Variants in PIEZO2 observed in about 807,000 individuals in gnomAD.
The protein encoded by PIEZO2 is piezo type mechanosensitive ion channel component 2.
PIEZO2 carries 172 observed loss-of-function variants against 337.3 expected under a neutral mutation model. The ratio of observed to expected loss-of-function variants is 0.51; its 90% CI spans 0.45 to 0.58. The LOEUF (loss-of-function observed/expected upper bound fraction) is 0.58, where lower values mean the gene tolerates loss of function less well. Ranked by LOEUF, PIEZO2 falls within the 20% of genes least tolerant of loss-of-function variation. The pLI is 0.00. For synonymous variants in PIEZO2, 1,251 were observed against 1,228.5 expected (o/e 1.02, Z -0.38); for missense variants, 3,028 against 3,391.3 (o/e 0.89, Z 2.66).
chr18:10,923,644 A>G (rs546290835), intron 3 of PIEZO2, among the ~76,000 whole-genome samples: 6 of 152,332 alleles, frequency 3.9e-5, no homozygotes, highest in Admixed American at 2.6e-4. Flanking sequence ...AGTAGCTTCA[A>G]TGACACTCAG....
chr18:10,764,272 C>A (rs996018911), intron 21 of PIEZO2, among the ~76,000 whole-genome samples: 1 of 152,124 alleles, frequency 6.6e-6, no homozygotes, highest in South Asian at 2.1e-4. Context: ...TTTGATACAA[C>A]TAAACATGTA....
chr18:10,798,680 G>T (rs6505598), intron 11 of PIEZO2, among the ~76,000 whole-genome samples: 42,548 of 152,078 alleles, frequency 0.28, 6,974 homozygotes, highest in Middle Eastern at 0.41. Context: ...GTGTCAGCAC[G>T]CAAAATTCAA....
At chr18:10,991,451 A>C (rs1157570791) in intron 2 of PIEZO2, among the ~76,000 whole-genome samples, 1 of 141,574 alleles carries the variant, frequency 7.1e-6, no homozygotes, top group Non-Finnish European at 1.5e-5. Flanking sequence ...TCATTGTTCA[A>C]CTCCTACTTA....
rs264219 is a variant in PIEZO2 at position 10,888,994 on chromosome 18, T to C, written c.330-17579A>G. On this transcript the variant is annotated intron_variant, in intron 4 of 55. Transcript: ENST00000674853. This position sits in a 1 kb window ranked among gnomAD's most constrained non-coding sequence, Gnocchi z 4.1. ...GATCCTAATGTGCACACTTTGTGGA[T>C]ACCAAAATCTCAATTCTTGATGGGA... Among the ~76,000 whole-genome samples, 100,649 of 152,020 alleles carry C rather than the reference T, an allele frequency of 0.66. 33,995 individuals carry two copies. The highest frequency in any genetic ancestry group is 0.8 in the African/African-American group (33,077 of 41,474).
chr18:11,084,289 T>G (rs1023021865), intron 1 of PIEZO2, among the ~76,000 whole-genome samples: 1 of 152,124 alleles, frequency 6.6e-6, no homozygotes, highest in Non-Finnish European at 1.5e-5. Flanking sequence ...CATCCTTTGT[T>G]GAATCAATCA....
At chr18:10,719,671 G>T (rs944653130) in intron 36 of PIEZO2, among the ~76,000 whole-genome samples, 2 of 152,108 alleles carry the variant, frequency 1.3e-5, no homozygotes, top group Admixed American at 1.3e-4. Flanking sequence ...GTGAGTGCAG[G>T]TACCTTTTTA....
chr18:10,943,844 A>G lies in PIEZO2; in HGVS notation c.287-32616T>C, dbSNP rs2032854919. 6.6e-6 allele frequency among the ~76,000 whole-genome samples: 1 copy of G among 152,096 alleles called. No homozygotes were observed. The highest frequency in any genetic ancestry group is 1.5e-5 in the Non-Finnish European group (1 of 68,026). On this transcript the variant is annotated intron_variant, in intron 3 of 55. Coordinates refer to ENST00000674853, the MANE Select transcript of PIEZO2 (RefSeq NM_001378183.1). This position sits in a 1 kb window ranked among gnomAD's most constrained non-coding sequence, Gnocchi z 4.5. ...CGGTGGGAGATGACTGAATCATGGGAGCAAGTCTTTCCAGTGCTGTTCTCA... is the reference window on the plus strand; with the variant it reads ...CGGTGGGAGATGACTGAATCATGGGGGCAAGTCTTTCCAGTGCTGTTCTCA...
chr18:11,044,195 T>C (rs963486183), intron 2 of PIEZO2, among the ~76,000 whole-genome samples: 1 of 149,570 alleles, frequency 6.7e-6, no homozygotes, highest in Non-Finnish European at 1.5e-5. Flanking sequence ...TAATATAATA[T>C]ATATTATACA....
Position 10,930,576 on chromosome 18 carries a change from C to T in PIEZO2, c.287-19348G>A, listed in dbSNP as rs369557158. On this transcript the variant is annotated intron_variant, in intron 3 of 55. Transcript: ENST00000674853. The stretch of plus-strand genomic sequence containing the variant: ...CACATGTTCTCAGGACCTCCTGAGG[C>T]TGTGTCATAGGTCATGATCCTTAGC... Among the ~76,000 whole-genome samples, 36 of 152,344 alleles carry T rather than the reference C, an allele frequency of 2.4e-4. No homozygotes were observed. In the South Asian group the frequency reaches 5.0e-3, roughly 21 times the overall value.
chr18:10,912,705 G>A (rs1291369637), intron 3 of PIEZO2, among the ~76,000 whole-genome samples: 1 of 152,164 alleles, frequency 6.6e-6, no homozygotes, highest in Non-Finnish European at 1.5e-5. Flanking sequence ...AGGAGTAGGA[G>A]GCCCCAGGGC....
At chr18:11,113,345 T>C (rs1379359795) in intron 1 of PIEZO2, among the ~76,000 whole-genome samples, 3 of 152,212 alleles carry the variant, frequency 2.0e-5, no homozygotes, top group Non-Finnish European at 4.4e-5. Flanking sequence ...TTGTTTCCAT[T>C]GACCAACCTG....
At position 10,689,481 on chromosome 18, in the gene PIEZO2, C is replaced by T. The variant is rs7235212; in HGVS notation, c.7497+174G>A. Among the ~76,000 whole-genome samples, 68,817 of 151,974 alleles carry T rather than the reference C, an allele frequency of 0.45. 15,631 individuals carry two copies. Among genetic ancestry groups the T allele is most frequent in the Admixed American group, 0.49 (7,532 of 15,266 alleles). The stretch of plus-strand genomic sequence containing the variant: ...ATCTGGATGCTATTGACGACTATGA[C>T]GGCAGTAAGTCTAAATTCCCAACTC... On this transcript the variant is annotated intron_variant, in intron 49 of 55. Transcript: ENST00000674853.
intron 4 of PIEZO2, among the ~76,000 whole-genome samples, chr18:10,907,475 C>A (rs1276034662): frequency 6.6e-6 from 1 of 151,898 alleles, no homozygotes; most frequent in African/African-American, 2.4e-5. Context: ...TTGTTTCAAG[C>A]ATCATGTTGA....
At chr18:10,839,044 G>T (rs767572833) in intron 7 of PIEZO2, among the ~76,000 whole-genome samples, 1 of 152,232 alleles carries the variant, frequency 6.6e-6, no homozygotes, top group Non-Finnish European at 1.5e-5. Flanking sequence ...ATAGAAGAGA[G>T]GGAGAGTAAT....
intron 44 of PIEZO2, among the ~76,000 whole-genome samples, chr18:10,698,184 G>A (rs1297158946): frequency 6.6e-6 from 1 of 152,170 alleles, no homozygotes; most frequent in Non-Finnish European, 1.5e-5. Context: ...TTCCAGATAG[G>A]ATGCCCCATG....
intron 2 of PIEZO2, among the ~76,000 whole-genome samples, chr18:10,985,733 T>A (rs187393588): frequency 5.2e-4 from 79 of 151,782 alleles, no homozygotes; most frequent in African/African-American, 1.9e-3. Context: ...CTGTAGTCGA[T>A]ACACAAAAGA....
rs2037336247 is a variant in PIEZO2 at position 10,744,211 on chromosome 18, G to A, written c.4445C>T (p.Ala1482Val). ...LASRGAELFQ[A>V]TIVKAVKARI... ...TGCCTTTACAGCTTTTACAATTGTG[G>A]CCTGGAAAAGTTCAGCTCCTCTAAA... Residue 1482 changes from alanine (A) to valine (V), a missense_variant, in exon 31 of 56, where the codon GCC (alanine) becomes GTC (valine). Around this residue, in one of 5 missense-constraint regions of PIEZO2, gnomAD observed 1,925 missense variants for 2,051.9 expected, o/e 0.94. Coordinates refer to ENST00000674853, the MANE Select transcript of PIEZO2 (RefSeq NM_001378183.1). 3 of 1,536,228 alleles carry A rather than the reference G, an allele frequency of 2.0e-6. No homozygotes were observed. In the African/African-American group the frequency reaches 4.1e-5, roughly 21 times the overall value.
chr18:11,145,031 G>A (rs757309100), intron 1 of PIEZO2, among the ~76,000 whole-genome samples: 10 of 152,076 alleles, frequency 6.6e-5, no homozygotes, highest in East Asian at 3.8e-4. Flanking sequence ...GAAACTAAAC[G>A]TAAAATATGT....
rs1173199393 is a variant in PIEZO2 at position 10,767,705 on chromosome 18, GC to G, written c.2946+2442del. Among the ~76,000 whole-genome samples the G allele has an allele frequency of 6.6e-5, 10 of 152,118 alleles. No homozygotes were observed. The highest frequency in any genetic ancestry group is 2.4e-4 in the African/African-American group (10 of 41,408). ...GCAGAGCAGGGCCTGTGTGAGGGTG[GC>G]CCCTGGTCCTGATGGGGAGGCACAG... On this transcript the variant is annotated intron_variant, in intron 21 of 55. Transcript: ENST00000674853. This position sits in a 1 kb window ranked among gnomAD's most constrained non-coding sequence, Gnocchi z 4.2.
Sources: allele counts gnomAD v4.1 joint callset (sites outside exome capture counted in the v4.1 genomes callset), GRCh38; gene constraint gnomAD v4.1.1; regional missense constraint gnomAD v4.1.1; non-coding constraint Gnocchi (gnomAD v3.1); transcripts MANE v1.5; gene names NCBI Gene and HGNC (gene_info 2026-07-23, HGNC 2026-07-21).